The following SHISAL2B variants were observed in gnomAD, a reference collection of about 807,000 sequenced individuals.
SHISAL2B encodes protein shisa-like-2B.
A neutral mutation model predicts 16.5 loss-of-function variants in SHISAL2B; 12 were observed. The ratio of observed to expected loss-of-function variants is 0.73; its 90% confidence interval spans 0.47 to 1.18. The LOEUF (loss-of-function observed/expected upper bound fraction) is 1.18. SHISAL2B is among the 50% of genes most tolerant of loss of function. The pLI is 0.00. For synonymous variants in SHISAL2B, 72 were observed against 75.0 expected (o/e 0.96, Z 0.21); for missense variants, 183 against 193.6 (o/e 0.95, Z 0.33).
chr5:64,695,710 A>G, intron 2 of SHISAL2B, 46 bp downstream of exon 2: 2 of 1,367,770 alleles, frequency 1.5e-6, no homozygotes, highest in Admixed American at 2.7e-5. Context: ...AACTCTATCC[A>G]AAAGAATAAC....
chr5:64,692,131 C>A (rs1381618693), intron 1 of SHISAL2B, among the ~76,000 whole-genome samples: 1 of 152,120 alleles, frequency 6.6e-6, no homozygotes, highest in East Asian at 1.9e-4. Flanking sequence ...GGGAAGAAAT[C>A]TATATTGCAC....
chr5:64,712,759 C>T (rs997294889), intron 2 of SHISAL2B, among the ~76,000 whole-genome samples: 3 of 152,106 alleles, frequency 2.0e-5, no homozygotes, highest in African/African-American at 4.8e-5. Context: ...ATAATTAGCT[C>T]CTCTTGTTGA....
chr5:64,717,788 A>G, intron 2 of SHISAL2B, 101 bp from the exon 3 acceptor site: 3 of 1,049,858 alleles, frequency 2.9e-6, no homozygotes, highest in Non-Finnish European at 4.0e-6. Flanking sequence ...TCAGGACATC[A>G]TATTTTCAAT....
intron 2 of SHISAL2B, among the ~76,000 whole-genome samples, chr5:64,701,511 C>T (rs1167595130): frequency 6.6e-6 from 1 of 152,068 alleles, no homozygotes; most frequent in Non-Finnish European, 1.5e-5. Context: ...CTTTGAATAT[C>T]TATTGATATT....
intron 1 of SHISAL2B, among the ~76,000 whole-genome samples, chr5:64,692,036 T>C (rs1741659081): frequency 6.6e-6 from 1 of 152,208 alleles, no homozygotes; most frequent in Non-Finnish European, 1.5e-5. Context: ...TACCTTCCAG[T>C]AAGTTTAACT....
chr5:64,696,328 T>C (rs907166503), intron 2 of SHISAL2B, among the ~76,000 whole-genome samples: 4 of 152,184 alleles, frequency 2.6e-5, no homozygotes, highest in African/African-American at 7.2e-5. Flanking sequence ...ACTGTACAAA[T>C]TGATTGTAAA....
At chr5:64,698,213 T>G (rs528534335) in intron 2 of SHISAL2B, among the ~76,000 whole-genome samples, 3 of 152,202 alleles carry the variant, frequency 2.0e-5, no homozygotes, top group Non-Finnish European at 4.4e-5. Flanking sequence ...GCTCTGCATT[T>G]TAAAACAAGT....
chr5:64,695,712 A>G (rs1204092126), intron 2 of SHISAL2B, 48 bp downstream of exon 2: 2 of 1,346,816 alleles, frequency 1.5e-6, no homozygotes, highest in East Asian at 5.1e-5. Flanking sequence ...CTCTATCCAA[A>G]AGAATAACTT....
chr5:64,701,775 T>C (rs1038109153), intron 2 of SHISAL2B, among the ~76,000 whole-genome samples: 44 of 152,294 alleles, frequency 2.9e-4, no homozygotes, highest in African/African-American at 1.1e-3. Context: ...AAATTATATA[T>C]GAAATACTGA....
At chr5:64,710,938 C>T (rs1333910431) in intron 2 of SHISAL2B, among the ~76,000 whole-genome samples, 1 of 132,602 alleles carries the variant, frequency 7.5e-6, no homozygotes. Context: ...AGATTTTGGG[C>T]TGAGACGATG....
chr5:64,712,784 C>T (rs1741977933), intron 2 of SHISAL2B, among the ~76,000 whole-genome samples: 1 of 151,938 alleles, frequency 6.6e-6, no homozygotes, highest in Non-Finnish European at 1.5e-5. Context: ...ATCCCTTTAC[C>T]ATTATGTAAT....
chr5:64,702,596 A>T (rs1341181066), intron 2 of SHISAL2B, among the ~76,000 whole-genome samples: 1 of 152,088 alleles, frequency 6.6e-6, no homozygotes, highest in Non-Finnish European at 1.5e-5. Flanking sequence ...ATAATTACCT[A>T]GCTATATAAT....
chr5:64,717,821 A>G (rs1344659097), intron 2 of SHISAL2B, 68 bp from the exon 3 acceptor site: 2 of 1,369,272 alleles, frequency 1.5e-6, no homozygotes, highest in Non-Finnish European at 1.9e-6. Context: ...ATTATTTTTA[A>G]GTGCAAATTT....
chr5:64,693,041 T>G (rs983773130), intron 1 of SHISAL2B, among the ~76,000 whole-genome samples: 1 of 151,842 alleles, frequency 6.6e-6, no homozygotes, highest in Admixed American at 6.6e-5. Context: ...GGGGTCTCAC[T>G]CTGTCGCCCA....
intron 1 of SHISAL2B, among the ~76,000 whole-genome samples, chr5:64,692,480 T>C (rs1393411317): frequency 6.6e-6 from 1 of 152,206 alleles, no homozygotes; most frequent in Admixed American, 6.5e-5. Flanking sequence ...AACCTGGGGT[T>C]CCTGTGAGTT....
chr5:64,694,298 C>A, intron 1 of SHISAL2B: 1 of 260,708 alleles, frequency 3.8e-6, no homozygotes, highest in Non-Finnish European at 7.6e-6. Flanking sequence ...TACAACACTA[C>A]CATGAAAGTT....
At chr5:64,712,318 T>G (rs1239433330) in intron 2 of SHISAL2B, among the ~76,000 whole-genome samples, 13 of 152,268 alleles carry the variant, frequency 8.5e-5, no homozygotes, top group East Asian at 3.9e-4. Context: ...TTCAGGAGCA[T>G]GTTGTTCAGT....
chr5:64,716,520 G>C (rs146943219), intron 2 of SHISAL2B, among the ~76,000 whole-genome samples: 204 of 152,248 alleles, frequency 1.3e-3, no homozygotes, highest in African/African-American at 4.7e-3. Flanking sequence ...AAGTGCTTTG[G>C]GGGGAGAAAT....
chr5:64,715,435 AAGG>A (rs1000739943), intron 2 of SHISAL2B, among the ~76,000 whole-genome samples: 28 of 152,188 alleles, frequency 1.8e-4, no homozygotes, highest in African/African-American at 6.3e-4. Context: ...CTAAAACCTG[AAGG>A]AGAATTCTTC....
Sources: allele counts gnomAD v4.1 joint callset (sites outside exome capture counted in the v4.1 genomes callset), GRCh38; gene constraint gnomAD v4.1.1; transcripts MANE v1.5; gene names NCBI Gene and HGNC (gene_info 2026-07-23, HGNC 2026-07-21).